The following PSD3 variants were observed in gnomAD, a reference collection of about 807,000 sequenced individuals.
PSD3 encodes the protein pleckstrin and Sec7 domain containing 3.
In PSD3, 49 loss-of-function variants were observed where a neutral mutation model predicts 105.5. That is an observed-to-expected ratio of 0.46 (90% confidence interval 0.37 to 0.59). The LOEUF (loss-of-function observed/expected upper bound fraction) is 0.59, where lower values mean the gene tolerates loss of function less well. Among genes scored for constraint, PSD3 ranks in the 20% least tolerant of loss-of-function variants. The pLI, the probability that PSD3 is intolerant of heterozygous loss-of-function variation, is 0.00. For missense variants in PSD3, 1,561 were observed against 1,263.8 expected (o/e 1.24, Z -3.57); for synonymous variants, 557 against 457.8 (o/e 1.22, Z -2.77).
chr8:19,047,972 T>G (rs1181779264), intron 1 of PSD3, among the ~76,000 whole-genome samples: 1 of 152,064 alleles, frequency 6.6e-6, no homozygotes, highest in African/African-American at 2.4e-5. Context: ...GCATGAAAAT[T>G]CACCTTCTAC....
chr8:18,752,499 ATAATATAT>A (rs1177131591), intron 9 of PSD3, among the ~76,000 whole-genome samples: 765 of 18,800 alleles, frequency 0.041, 21 homozygotes, highest in African/African-American at 0.085. Flanking sequence ...TATAATATAT[ATAATATAT>A]ATAATATATG....
chr8:18,753,501 G>GCAAAAACAACAATTTAGCA (rs1232535669), intron 9 of PSD3, among the ~76,000 whole-genome samples: 2 of 152,088 alleles, frequency 1.3e-5, no homozygotes, highest in Non-Finnish European at 2.9e-5. Flanking sequence ...TGGCGTTTCT[G>GCAAAAACAACAATTTAGCA]CAAAAACAAC....
chr8:18,958,340 A>G (rs1008231177), intron 1 of PSD3, among the ~76,000 whole-genome samples: 1 of 152,098 alleles, frequency 6.6e-6, no homozygotes, highest in South Asian at 2.1e-4. Flanking sequence ...AGGTTAGAGA[A>G]AGGCCTTTGT....
At chr8:18,596,225 T>C (rs1442331033) in intron 12 of PSD3, among the ~76,000 whole-genome samples, 1 of 151,248 alleles carries the variant, frequency 6.6e-6, no homozygotes, top group Non-Finnish European at 1.5e-5. Flanking sequence ...ACAAACAATA[T>C]GCCAAAACTT....
At chr8:18,859,715 C>T (rs1432907547) in intron 4 of PSD3, among the ~76,000 whole-genome samples, 1 of 152,202 alleles carries the variant, frequency 6.6e-6, no homozygotes, top group Non-Finnish European at 1.5e-5. Flanking sequence ...AAACCACCCT[C>T]GGCTAGCTTC....
intron 2 of PSD3, among the ~76,000 whole-genome samples, chr8:18,896,925 C>T (rs1483460358): frequency 6.6e-6 from 1 of 152,090 alleles, no homozygotes; most frequent in Non-Finnish European, 1.5e-5. Flanking sequence ...ATTCTCCTAC[C>T]TCAGCCTCCC....
intron 1 of PSD3, among the ~76,000 whole-genome samples, chr8:19,021,111 C>G (rs757597965): frequency 6.6e-6 from 1 of 152,150 alleles, no homozygotes; most frequent in Non-Finnish European, 1.5e-5. Flanking sequence ...CACTCCAATG[C>G]TCAGAAATTA....
chr8:19,018,378 A>C (rs1375633323), upstream of PSD3, among the ~76,000 whole-genome samples: 1 of 151,822 alleles, frequency 6.6e-6, no homozygotes, highest in African/African-American at 2.4e-5. Context: ...AAAATGAGGC[A>C]TAAGGGATCT....
intron 1 of PSD3, among the ~76,000 whole-genome samples, chr8:19,078,555 T>A (rs965396214): frequency 7.2e-5 from 11 of 152,050 alleles, no homozygotes; most frequent in Non-Finnish European, 8.8e-5. Context: ...TCTCCTCTGC[T>A]CTCTGCTCCC....
intron 4 of PSD3, among the ~76,000 whole-genome samples, chr8:18,806,195 T>C (rs182382599): frequency 1.3e-5 from 2 of 152,184 alleles, no homozygotes; most frequent in Non-Finnish European, 1.5e-5. Context: ...GAGAATACGA[T>C]GACTAGAAGA....
intron 8 of PSD3, among the ~76,000 whole-genome samples, chr8:18,796,541 T>C (rs1160862357): frequency 3.3e-5 from 5 of 152,204 alleles, no homozygotes; most frequent in African/African-American, 1.2e-4. Flanking sequence ...TACATTCCAT[T>C]ATTTTATTAG....
At chr8:18,662,013 G>T (rs1809384948) in intron 9 of PSD3, among the ~76,000 whole-genome samples, 1 of 151,524 alleles carries the variant, frequency 6.6e-6, no homozygotes, top group African/African-American at 2.4e-5. Context: ...CACTTCTATG[G>T]TAAGATGTAG....
chr8:19,056,986 T>G (rs1828729883), intron 1 of PSD3, among the ~76,000 whole-genome samples: 1 of 152,130 alleles, frequency 6.6e-6, no homozygotes, highest in African/African-American at 2.4e-5. Flanking sequence ...TGAACTTTCA[T>G]CTTGCTATCA....
intron 9 of PSD3, among the ~76,000 whole-genome samples, chr8:18,746,512 G>A (rs556465537): frequency 1.3e-5 from 2 of 152,194 alleles, no homozygotes; most frequent in South Asian, 4.2e-4. Context: ...GGGAGGTCCA[G>A]GGGGGGTGTT....
chr8:18,772,513 T>C (rs1017911074), intron 8 of PSD3, among the ~76,000 whole-genome samples: 24 of 152,162 alleles, frequency 1.6e-4, no homozygotes, highest in African/African-American at 5.8e-4. Flanking sequence ...AACACTTCTT[T>C]TATTCTTTTT....
intron 8 of PSD3, among the ~76,000 whole-genome samples, chr8:18,776,391 T>G (rs967877058): frequency 3.3e-4 from 49 of 148,442 alleles, no homozygotes; most frequent in Non-Finnish European, 2.8e-4. Flanking sequence ...TAATTTTTTT[T>G]TTTTGTTTTT....
intron 9 of PSD3, among the ~76,000 whole-genome samples, chr8:18,762,642 C>A (rs144316611): frequency 6.6e-6 from 1 of 152,102 alleles, no homozygotes; most frequent in Non-Finnish European, 1.5e-5. Flanking sequence ...TGTCAAATAT[C>A]GGTTTAGGTT....
At chr8:18,692,728 T>C (rs1801038758) in intron 9 of PSD3, among the ~76,000 whole-genome samples, 1 of 152,200 alleles carries the variant, frequency 6.6e-6, no homozygotes, top group African/African-American at 2.4e-5. Flanking sequence ...GCTGCAAGAA[T>C]TGTCACTTTG....
intron 9 of PSD3, among the ~76,000 whole-genome samples, chr8:18,702,445 T>C (rs1801636923): frequency 6.6e-6 from 1 of 152,186 alleles, no homozygotes; most frequent in Non-Finnish European, 1.5e-5. Flanking sequence ...GTATTGTGAA[T>C]CATAGTTGTA....
Sources: allele counts gnomAD v4.1 joint callset (sites outside exome capture counted in the v4.1 genomes callset), GRCh38; gene constraint gnomAD v4.1.1; transcripts MANE v1.5; gene names NCBI Gene and HGNC (gene_info 2026-07-23, HGNC 2026-07-21).